Variants in IL15 observed in about 807,000 individuals in gnomAD.
IL15 encodes the protein interleukin-15.
A neutral mutation model predicts 19.6 loss-of-function variants in IL15; 11 were observed. The observed-to-expected ratio is 0.56, with a 90% CI of 0.35 to 0.93. The LOEUF (loss-of-function observed/expected upper bound fraction) is 0.93. Among genes scored for constraint, IL15 ranks in the 40% least tolerant of loss-of-function variants. The probability of loss-of-function intolerance (pLI) is 0.01; values close to 1 mark genes in which losing one functional copy is unlikely to be tolerated. For missense variants in IL15, 197 were observed against 186.5 expected, an observed-to-expected ratio of 1.06 and a Z score of -0.33; for synonymous variants, 58 against 59.6, an observed-to-expected ratio of 0.97 and a Z score of 0.12.
At chr4:141,705,693 T>C (rs1037735017) in intron 2 of IL15, among the ~76,000 whole-genome samples, 22 of 152,108 alleles carry the variant, frequency 1.4e-4, no homozygotes, top group South Asian at 2.1e-4. Context: ...TCTACTATTA[T>C]TGTATTGCCC....
intron 2 of IL15, among the ~76,000 whole-genome samples, chr4:141,691,605 AG>A (rs1181941640): frequency 6.6e-6 from 1 of 152,214 alleles, no homozygotes; most frequent in Non-Finnish European, 1.5e-5. Context: ...AAGGGGCCAC[AG>A]GTTCCATGCA....
intron 1 of IL15, among the ~76,000 whole-genome samples, chr4:141,652,491 T>C (rs1010868308): frequency 1.3e-5 from 2 of 152,124 alleles, no homozygotes; most frequent in Non-Finnish European, 2.9e-5. Context: ...ATTGCTTTTT[T>C]ATATAGACTT....
At chr4:141,732,624 T>C in intron 7 of IL15, 114 bp from the exon 8 acceptor site, 1 of 1,366,018 alleles carries the variant, frequency 7.3e-7, no homozygotes, top group Non-Finnish European at 9.9e-7. Flanking sequence ...TGCTAAAGCT[T>C]TCATATCTCA....
intron 1 of IL15, among the ~76,000 whole-genome samples, chr4:141,655,155 TGTG>T (rs977225544): frequency 6.6e-6 from 1 of 152,130 alleles, no homozygotes; most frequent in Non-Finnish European, 1.5e-5. Flanking sequence ...ATTCATCAAT[TGTG>T]GTTGTTATTG....
At chr4:141,723,213 C>T (rs1292290986) in intron 5 of IL15, among the ~76,000 whole-genome samples, 1 of 152,094 alleles carries the variant, frequency 6.6e-6, no homozygotes, top group African/African-American at 2.4e-5. Context: ...TGAATAGTGT[C>T]CCCCCAAATT....
chr4:141,684,523 G>A (rs1428601914), intron 2 of IL15, among the ~76,000 whole-genome samples: 1 of 152,154 alleles, frequency 6.6e-6, no homozygotes. Flanking sequence ...AAGGACACAT[G>A]CAATCTGGCT....
chr4:141,725,092 C>T (rs1192677740), intron 5 of IL15, among the ~76,000 whole-genome samples: 2 of 152,108 alleles, frequency 1.3e-5, no homozygotes, highest in African/African-American at 4.8e-5. Context: ...AAGAATTATA[C>T]ACCATGACCG....
intron 1 of IL15, among the ~76,000 whole-genome samples, chr4:141,652,750 C>CA (rs1399317498): frequency 2.6e-5 from 4 of 152,080 alleles, no homozygotes; most frequent in South Asian, 2.1e-4. Flanking sequence ...GTCTAATGTG[C>CA]ATTTGTGCTT....
chr4:141,704,583 C>A, intron 2 of IL15: 2 of 382,070 alleles, frequency 5.2e-6, no homozygotes, highest in Non-Finnish European at 1.1e-5. Flanking sequence ...AGTATTCTCC[C>A]ATCTTCAATT....
chr4:141,698,399 G>T (rs1213304346), intron 2 of IL15, among the ~76,000 whole-genome samples: 1 of 151,834 alleles, frequency 6.6e-6, no homozygotes, highest in Non-Finnish European at 1.5e-5. Context: ...AATAGTTTTA[G>T]TAGGATTGGT....
chr4:141,680,082 A>G (rs1040556217), intron 2 of IL15, among the ~76,000 whole-genome samples: 14 of 152,206 alleles, frequency 9.2e-5, no homozygotes, highest in African/African-American at 3.1e-4. Flanking sequence ...ATTTGCAATG[A>G]TGCTTTAATG....
At chr4:141,706,815 A>G (rs1729532270) in intron 2 of IL15, among the ~76,000 whole-genome samples, 1 of 151,952 alleles carries the variant, frequency 6.6e-6, no homozygotes, top group Non-Finnish European at 1.5e-5. Flanking sequence ...GAGTTAATAC[A>G]TTTGTCTTGC....
At chr4:141,720,783 A>T in intron 4 of IL15, 1 of 570,232 alleles carries the variant, frequency 1.8e-6, no homozygotes, top group East Asian at 3.0e-5. Context: ...AACAAGCATT[A>T]TAGCCCTCAA....
intron 7 of IL15, among the ~76,000 whole-genome samples, chr4:141,730,774 G>A (rs1190671616): frequency 1.3e-5 from 2 of 152,068 alleles, no homozygotes; most frequent in Non-Finnish European, 2.9e-5. Flanking sequence ...AGTGGCCAAA[G>A]CAAGGTAGAG....
Position 141,721,879 on chromosome 4 carries a change from G to A in IL15, c.111-45G>A, listed in dbSNP as rs748011058. On this transcript the variant is annotated intron_variant, in intron 4 of 7. Transcript: ENST00000320650. ...TTTTGCTTATAGTATTCATCAAGATGAATAGGCTCCTTCAAAATGCTTTGC... is the reference window on the plus strand; with the variant it reads ...TTTTGCTTATAGTATTCATCAAGATAAATAGGCTCCTTCAAAATGCTTTGC... 5 of 1,494,776 alleles carry A rather than the reference G, an allele frequency of 3.3e-6. No homozygotes were observed. In the East Asian group the frequency reaches 9.2e-5, roughly 27 times the overall value. The allele number at this position is 1,494,776 out of a possible 1,614,324, so 92.6% of individuals were successfully genotyped here.
At chr4:141,680,238 T>C (rs1435206766) in intron 2 of IL15, among the ~76,000 whole-genome samples, 4 of 152,224 alleles carry the variant, frequency 2.6e-5, no homozygotes, top group Non-Finnish European at 5.9e-5. Flanking sequence ...AATGTGCTGA[T>C]TATCTAGCTT....
At chr4:141,657,544 T>G (rs1245279984) in intron 2 of IL15, among the ~76,000 whole-genome samples, 3 of 152,146 alleles carry the variant, frequency 2.0e-5, no homozygotes, top group Admixed American at 2.0e-4. Flanking sequence ...AATGTTTCTC[T>G]TTACATCCTT....
intron 2 of IL15, among the ~76,000 whole-genome samples, chr4:141,690,334 T>A (rs1728869336): frequency 6.6e-6 from 1 of 152,118 alleles, no homozygotes; most frequent in Admixed American, 6.5e-5. Flanking sequence ...GAAGGGCTCC[T>A]CAAGTGCCGC....
At chr4:141,686,100 G>T (rs972673206) in intron 2 of IL15, among the ~76,000 whole-genome samples, 2 of 151,952 alleles carry the variant, frequency 1.3e-5, no homozygotes, top group African/African-American at 4.8e-5. Flanking sequence ...TTCGAGACCA[G>T]CCTGGCCAAC....
Sources: gnomAD v4.1 joint callset for allele counts (sites outside exome capture counted in the v4.1 genomes callset) on GRCh38, gnomAD v4.1.1 for gene constraint, MANE v1.5 for transcripts, NCBI Gene and HGNC (gene_info 2026-07-23, HGNC 2026-07-21) for gene names.